ZBTB8B: variants seen among roughly 807,000 people sequenced by gnomAD.
ZBTB8B encodes the protein zinc finger and BTB domain containing 8B.
In ZBTB8B, 17 loss-of-function variants were observed where a neutral mutation model predicts 30.3. The ratio of observed to expected loss-of-function variants is 0.56; its 90% CI spans 0.38 to 0.84. The LOEUF (loss-of-function observed/expected upper bound fraction) is 0.84. Among genes scored for constraint, ZBTB8B ranks in the 40% least tolerant of loss-of-function variants. The probability of loss-of-function intolerance (pLI) is 0.00; values close to 1 mark genes in which losing one functional copy is unlikely to be tolerated. For missense variants in ZBTB8B, 515 were observed against 644.9 expected (o/e 0.80, Z 2.18); for synonymous variants, 248 against 255.6 (o/e 0.97, Z 0.28).
chr1:32,470,656 T>C lies in ZBTB8B; in HGVS notation c.32T>C (p.Leu11Ser), dbSNP rs1643609798. ...ATGCAATCCTATTATGCCAAGCTTT[T>C]GGGGGAGCTGAATGAACAGAGAAAG... is the stretch of plus-strand genomic sequence containing the variant. MEMQSYYAKL[L>S]GELNEQRKRD... Residue 11 changes from leucine (L) to serine (S), a missense_variant, in exon 2 of 4, where the codon TTG (leucine) becomes TCG (serine). Physicochemically the swap from Leu to Ser is moderately radical, Grantham distance 145 (BLOSUM62 -2). This residue lies in a region of ZBTB8B where 25 missense variants were observed against 22.9 expected (regional missense o/e 1.09). Transcript: ENST00000609129. The C allele has an allele frequency of 6.4e-7, 1 of 1,551,398 alleles. No homozygotes were observed. Among genetic ancestry groups the C allele is most frequent in the Non-Finnish European group, 8.7e-7 (1 of 1,146,924 alleles).
In ZBTB8B at chr1:32,470,657, G is replaced by C; in HGVS notation, c.33G>C (p.Leu11Phe). 6.4e-7 allele frequency: 1 copy of C among 1,551,520 alleles called. No homozygotes were observed. The highest frequency in any genetic ancestry group is 8.7e-7 in the Non-Finnish European group (1 of 1,146,948). Residue 11 changes from leucine to phenylalanine, a missense_variant, in exon 2 of 4, where the codon TTG becomes TTC. Around this residue, in one of 3 missense-constraint regions of ZBTB8B, gnomAD observed 25 missense variants for 22.9 expected, o/e 1.09. Coordinates refer to ENST00000609129, the MANE Select transcript of ZBTB8B (RefSeq NM_001145720.2). MEMQSYYAKL[L>F]GELNEQRKRD... ...TGCAATCCTATTATGCCAAGCTTTTGGGGGAGCTGAATGAACAGAGAAAGA... is the reference window on the plus strand; with the variant it reads ...TGCAATCCTATTATGCCAAGCTTTTCGGGGAGCTGAATGAACAGAGAAAGA...
Position 32,471,421 on chromosome 1 carries a change from A to C in ZBTB8B, c.797A>C (p.Gln266Pro). ...AHVEEALPSG[Q>P]AVDLAYSNYH... ...GTGGAGGAGGCCTTGCCAAGCGGCC[A>C]GGCGGTTGACTTGGCTTACAGCAAC... The change falls in exon 2 of 4, where the codon CAG (glutamine) becomes CCG (proline). Residue 266 changes from glutamine to proline, a missense_variant. Physicochemically the swap from Gln to Pro is moderately conservative, Grantham distance 76 (BLOSUM62 -1). Coordinates refer to ENST00000609129, the MANE Select transcript of ZBTB8B (RefSeq NM_001145720.2). 4.5e-6 allele frequency: 7 copies of C among 1,551,814 alleles called. No individual in the cohort carries two copies. Among genetic ancestry groups the C allele is most frequent in the Non-Finnish European group, 6.1e-6 (7 of 1,147,016 alleles).
chr1:32,475,919 G>A (rs60500221), intron 2 of ZBTB8B, among the ~76,000 whole-genome samples: 1,963 of 150,276 alleles, frequency 0.013, 48 homozygotes, highest in African/African-American at 0.046. Context: ...CCAGGTTCAA[G>A]TGATTTTCCT....
rs1032137180 is a variant in ZBTB8B at position 32,495,619 on chromosome 1, C to T, written c.*10201C>T. 2.6e-5 allele frequency: 4 copies of T among 152,166 alleles called. No individual in the cohort carries two copies. Among genetic ancestry groups the T allele is most frequent in the African/African-American group, 4.8e-5 (2 of 41,434 alleles). The allele number at this position is 152,166 out of a possible 1,614,324, so 9.4% of individuals were successfully genotyped here. On this transcript the variant is annotated 3_prime_UTR_variant, in exon 4 of 4. Transcript: ENST00000609129. Reference sequence around the variant, plus strand: ...CTCATTTTGTCCTCGGAAACAAATACAATTTAACTATTTTCTGTACCGTCC... The same window carrying T: ...CTCATTTTGTCCTCGGAAACAAATATAATTTAACTATTTTCTGTACCGTCC...
chr1:32,467,243 G>GGTT (rs1278808348), intron 1 of ZBTB8B, among the ~76,000 whole-genome samples: 7 of 134,700 alleles, frequency 5.2e-5, no homozygotes, highest in African/African-American at 1.9e-4. Flanking sequence ...CCACACACTT[G>GGTT]TTTTTTTTTT....
At position 32,474,884 on chromosome 1, in the gene ZBTB8B, CAAGT is replaced by C. The variant is rs567245403; in HGVS notation, c.991+3271_991+3274del. The stretch of plus-strand genomic sequence containing the variant: ...CATTAAACAAACAGTGAAAGCAACA[CAAGT>C]AGGTAGCGGATTTCAGTGCAATGAT... On this transcript the variant is annotated intron_variant, in intron 2 of 3. Coordinates refer to ENST00000609129, the MANE Select transcript of ZBTB8B (RefSeq NM_001145720.2). 1.8e-4 allele frequency among the ~76,000 whole-genome samples: 28 copies of C among 152,348 alleles called. No homozygotes were observed. The South Asian group carries it at 5.4e-3, about 29-fold the overall frequency.
At position 32,491,616 on chromosome 1, in the gene ZBTB8B, CAG is replaced by C. The variant is rs1162410415; in HGVS notation, c.*6199_*6200del. ...CCCGGCTTAAGAGCCCCTTGTCCCACAGGAACAAGTATCTCTTATAACAGCTT... is the reference window on the plus strand; with the variant it reads ...CCCGGCTTAAGAGCCCCTTGTCCCACGAACAAGTATCTCTTATAACAGCTT... On this transcript the variant is annotated 3_prime_UTR_variant, in exon 4 of 4. Coordinates refer to ENST00000609129, the MANE Select transcript of ZBTB8B (RefSeq NM_001145720.2). 2 of 152,242 alleles carry C rather than the reference CAG, an allele frequency of 1.3e-5. No individual in the cohort carries two copies. The highest frequency in any genetic ancestry group is 2.9e-5 in the Non-Finnish European group (2 of 68,068). The allele number at this position is 152,242 out of a possible 1,614,324, so 9.4% of individuals were successfully genotyped here. A position where few individuals can be genotyped will look rare whatever the true frequency, so the allele number is the denominator to read the frequency against.
rs1187166879 is a variant in ZBTB8B at position 32,493,719 on chromosome 1, T to A, written c.*8301T>A. 2 of 149,552 alleles carry A rather than the reference T, an allele frequency of 1.3e-5. No homozygotes were observed. The highest frequency in any genetic ancestry group is 4.9e-5 in the African/African-American group (2 of 40,764). 9.3% of individuals were successfully genotyped at this position (149,552 alleles called of 1,614,324 possible). A position where few individuals can be genotyped will look rare whatever the true frequency, so the allele number is the denominator to read the frequency against. On this transcript the variant is annotated 3_prime_UTR_variant, in exon 4 of 4. Coordinates refer to ENST00000609129, the MANE Select transcript of ZBTB8B (RefSeq NM_001145720.2). ...GACTCCATCTCAAAAAAATAAAAAA[T>A]AATAATAATATGGTTTTCTTATTTA...
chr1:32,491,631 C>T lies in ZBTB8B; in HGVS notation c.*6213C>T, dbSNP rs537757371. 6.6e-6 allele frequency: 1 copy of T among 152,202 alleles called. No homozygotes were observed. Among genetic ancestry groups the T allele is most frequent in the Non-Finnish European group, 1.5e-5 (1 of 68,048 alleles). The allele number at this position is 152,202 out of a possible 1,614,324, so 9.4% of individuals were successfully genotyped here. On this transcript the variant is annotated 3_prime_UTR_variant, in exon 4 of 4. Transcript: ENST00000609129. ...CCTTGTCCCACAGGAACAAGTATCT[C>T]TTATAACAGCTTCATAGACATGGCC...
rs907612339 is a variant in ZBTB8B, at chr1:32,486,658, A to G, written c.*1240A>G. On this transcript the variant is annotated 3_prime_UTR_variant, in exon 4 of 4. Coordinates refer to ENST00000609129, the MANE Select transcript of ZBTB8B (RefSeq NM_001145720.2). ...CAATGGTAATTGACATGGCACAGTG[A>G]TAAGTGTTTCTTATGGAAATCTGCT... The G allele has an allele frequency of 2.6e-5, 4 of 152,136 alleles. No individual in the cohort carries two copies. Among genetic ancestry groups the G allele is most frequent in the Non-Finnish European group, 5.9e-5 (4 of 68,034 alleles). The allele number at this position is 152,136 out of a possible 1,614,324, so 9.4% of individuals were successfully genotyped here. A position where few individuals can be genotyped will look rare whatever the true frequency, so the allele number is the denominator to read the frequency against.
At chr1:32,481,181 G>T in intron 3 of ZBTB8B, 112 bp downstream of exon 3, 1 of 1,068,718 alleles carries the variant, frequency 9.4e-7, no homozygotes. Flanking sequence ...GGTATTTTCA[G>T]ATAATTTCCA....
Position 32,471,047 on chromosome 1 carries a change from A to C in ZBTB8B, c.423A>C (p.Ala141=), listed in dbSNP as rs888454016. 3 of 1,548,326 alleles carry C rather than the reference A, an allele frequency of 1.9e-6. No individual in the cohort carries two copies. The highest frequency in any genetic ancestry group is 4.9e-5 in the East Asian group (2 of 40,850). Residue 141 remains alanine, a synonymous_variant, in exon 2 of 4, where the codon GCA becomes GCC. Coordinates refer to ENST00000609129, the MANE Select transcript of ZBTB8B (RefSeq NM_001145720.2). ...EAAVAAAVAA[A]AAAAAAAAAA... The stretch of plus-strand genomic sequence containing the variant: ...CTGTGGCTGCAGCAGTGGCGGCGGC[A>C]GCGGCGGCGGCTGCAGCGGCGGCAG...
At chr1:32,479,537 TAAAA>T (rs1243767390) in intron 2 of ZBTB8B, among the ~76,000 whole-genome samples, 1 of 151,722 alleles carries the variant, frequency 6.6e-6, no homozygotes, top group Admixed American at 6.6e-5. Flanking sequence ...AATAAAAAAA[TAAAA>T]AAATAAAAAT....
At chr1:32,483,142 G>T (rs1004870328) in intron 3 of ZBTB8B, among the ~76,000 whole-genome samples, 26 of 148,536 alleles carry the variant, frequency 1.8e-4, no homozygotes, top group African/African-American at 6.2e-4. Context: ...TGTAATCCCA[G>T]CACTTTGGGA....
At chr1:32,482,726 T>C (rs1466708865) in intron 3 of ZBTB8B, among the ~76,000 whole-genome samples, 1 of 150,422 alleles carries the variant, frequency 6.6e-6, no homozygotes, top group African/African-American at 2.5e-5. Flanking sequence ...GAGAAAATAT[T>C]TGCAAGGGAT....
intron 2 of ZBTB8B, among the ~76,000 whole-genome samples, chr1:32,471,838 C>T (rs1643623998): frequency 6.6e-6 from 1 of 151,986 alleles, no homozygotes; most frequent in Non-Finnish European, 1.5e-5. Flanking sequence ...CCATCATCAC[C>T]AGTACCATCA....
At position 32,492,792 on chromosome 1, in the gene ZBTB8B, G is replaced by A. The variant is rs1643788457; in HGVS notation, c.*7374G>A. ...AACCAGCACCATCCCTGCCCTCAAGGATCCTGCAGTGTGTAATCACAGAGA... is the reference window on the plus strand; with the variant it reads ...AACCAGCACCATCCCTGCCCTCAAGAATCCTGCAGTGTGTAATCACAGAGA... On this transcript the variant is annotated 3_prime_UTR_variant, in exon 4 of 4. Coordinates refer to ENST00000609129, the MANE Select transcript of ZBTB8B (RefSeq NM_001145720.2). The A allele has an allele frequency of 6.6e-6, 1 of 152,194 alleles. No individual in the cohort carries two copies. Among genetic ancestry groups the A allele is most frequent in the Non-Finnish European group, 1.5e-5 (1 of 68,046 alleles). The allele number at this position is 152,194 out of a possible 1,614,324, so 9.4% of individuals were successfully genotyped here.
At chr1:32,474,116 G>T (rs1472130614) in intron 2 of ZBTB8B, among the ~76,000 whole-genome samples, 2 of 151,738 alleles carry the variant, frequency 1.3e-5, no homozygotes, top group African/African-American at 4.8e-5. Flanking sequence ...CTCTCAAAGT[G>T]CTAGGATTAC....
rs1362553815 is a variant in ZBTB8B, at chr1:32,465,684, C to T, written c.-42+579C>T. Among the ~76,000 whole-genome samples, 1 of 152,196 alleles carries T rather than the reference C, an allele frequency of 6.6e-6. No homozygotes were observed. Among genetic ancestry groups the T allele is most frequent in the Non-Finnish European group, 1.5e-5 (1 of 68,038 alleles). On this transcript the variant is annotated intron_variant, in intron 1 of 3. Transcript: ENST00000609129. This position sits in a 1 kb window ranked among gnomAD's most constrained non-coding sequence, Gnocchi z 4.1. Reference sequence around the variant, plus strand: ...GCCTAAAAGAAAGGAGTGACTTCCCCAACCTGTCGCATCGTGTCCTGGAGG... The same window carrying T: ...GCCTAAAAGAAAGGAGTGACTTCCCTAACCTGTCGCATCGTGTCCTGGAGG...
Sources: gnomAD v4.1 joint callset for allele counts (sites outside exome capture counted in the v4.1 genomes callset) on GRCh38, gnomAD v4.1.1 for gene constraint, gnomAD v4.1.1 regional missense constraint, Gnocchi (gnomAD v3.1) non-coding constraint, MANE v1.5 for transcripts, NCBI Gene and HGNC (gene_info 2026-07-23, HGNC 2026-07-21) for gene names.